The following EHBP1 variants were observed in gnomAD, a reference collection of about 807,000 sequenced individuals.
EHBP1 encodes the protein EH domain binding protein 1.
A neutral mutation model predicts 144.0 loss-of-function variants in EHBP1; 55 were observed. The observed-to-expected ratio is 0.38, with a 90% CI of 0.31 to 0.48. EHBP1 has a LOEUF of 0.48. Among genes scored for constraint, EHBP1 ranks in the 20% least tolerant of loss-of-function variants. EHBP1 has a pLI of 0.98. For missense variants in EHBP1, 1,200 were observed against 1,364.2 expected, an observed-to-expected ratio of 0.88 and a Z score of 1.90; for synonymous variants, 469 against 472.7, an observed-to-expected ratio of 0.99 and a Z score of 0.10.
chr2:62,996,679 G>T lies in EHBP1; in HGVS notation c.3016G>T (p.Glu1006Ter). The T allele has an allele frequency of 6.2e-7, 1 of 1,613,382 alleles. No individual in the cohort carries two copies. Reference protein sequence around the residue: ...FKDTSQYVVGELAALENEQKQ... With the variant: ...FKDTSQYVVG The stretch of plus-strand genomic sequence containing the variant: ...AGACACCAGTCAGTATGTAGTAGGA[G>T]AATTGGCAGCACTAGAGAATGAGCA... Residue 1006 changes from glutamate to a stop codon, truncating the protein, a stop_gained, in exon 19 of 23, where the codon GAA (glutamate) becomes TAA (stop). Coordinates refer to ENST00000431489, the MANE Select transcript of EHBP1 (RefSeq NM_001142616.3). LOFTEE classifies it high-confidence loss of function.
chr2:62,725,417 C>CG (rs1226445951), intron 2 of EHBP1, among the ~76,000 whole-genome samples: 1 of 152,132 alleles, frequency 6.6e-6, no homozygotes, highest in African/African-American at 2.4e-5. Context: ...CGTGGGGATG[C>CG]GGGGGCCCCC....
intron 5 of EHBP1, among the ~76,000 whole-genome samples, chr2:62,787,125 T>A (rs928343118): frequency 3.9e-5 from 6 of 152,234 alleles, no homozygotes; most frequent in African/African-American, 1.2e-4. Context: ...CTATTATTGC[T>A]TATTTTCAGA....
At chr2:62,891,899 A>C (rs1217249671) in intron 10 of EHBP1, among the ~76,000 whole-genome samples, 1 of 152,168 alleles carries the variant, frequency 6.6e-6, no homozygotes, top group African/African-American at 2.4e-5. Context: ...ATCTTATTGA[A>C]AAGCAAAGCC....
In EHBP1 at chr2:62,855,052, C is replaced by A. The variant is rs548117900; in HGVS notation, c.635-4117C>A. On this transcript the variant is annotated intron_variant, in intron 7 of 22. Coordinates refer to ENST00000431489, the MANE Select transcript of EHBP1 (RefSeq NM_001142616.3). ...TGGGCCTCCCACTGCAGGGAGCAGG[C>A]AGGAGCCGTAACCCCCCAGCACAGC... Among the ~76,000 whole-genome samples, 6 of 152,294 alleles carry A rather than the reference C, an allele frequency of 3.9e-5. No individual in the cohort carries two copies. In the South Asian group the frequency reaches 1.2e-3, roughly 32 times the overall value.
At chr2:62,895,243 A>T (rs1415146056) in intron 10 of EHBP1, among the ~76,000 whole-genome samples, 2 of 152,156 alleles carry the variant, frequency 1.3e-5, no homozygotes, top group Non-Finnish European at 2.9e-5. Flanking sequence ...GCATAACTGC[A>T]CACTGAATGG....
chr2:62,963,523 T>A (rs1369106874), intron 14 of EHBP1, among the ~76,000 whole-genome samples: 1 of 152,226 alleles, frequency 6.6e-6, no homozygotes, highest in Non-Finnish European at 1.5e-5. Context: ...TATACTTACA[T>A]ATTTATGAAT....
intron 10 of EHBP1, among the ~76,000 whole-genome samples, chr2:62,902,578 A>G (rs1029503705): frequency 2.6e-5 from 4 of 152,256 alleles, no homozygotes; most frequent in African/African-American, 9.6e-5. Context: ...CGTTAGGAAA[A>G]TAGGAATTAC....
intron 5 of EHBP1, among the ~76,000 whole-genome samples, chr2:62,772,963 G>A (rs1326676792): frequency 6.6e-6 from 1 of 152,200 alleles, no homozygotes; most frequent in Non-Finnish European, 1.5e-5. Flanking sequence ...ATGAAGTTAT[G>A]AGATTTCAGA....
intron 3 of EHBP1, among the ~76,000 whole-genome samples, chr2:62,749,849 A>C (rs2039511462): frequency 6.6e-6 from 1 of 152,068 alleles, no homozygotes; most frequent in Admixed American, 6.5e-5. Flanking sequence ...ATTCTTGTAA[A>C]TTTGTTTGAG....
chr2:62,916,852 G>A (rs987821046), intron 10 of EHBP1, among the ~76,000 whole-genome samples: 4 of 149,898 alleles, frequency 2.7e-5, no homozygotes, highest in Non-Finnish European at 5.9e-5. Flanking sequence ...TATTCATTGT[G>A]TATATAAAAT....
chr2:62,730,654 G>T (rs140626164), intron 2 of EHBP1, among the ~76,000 whole-genome samples: 4 of 151,238 alleles, frequency 2.6e-5, no homozygotes, highest in Non-Finnish European at 5.9e-5. Flanking sequence ...GAGACAGAGA[G>T]AGATAGACAA....
At chr2:62,752,249 C>G (rs1162101000) in intron 3 of EHBP1, among the ~76,000 whole-genome samples, 3 of 152,082 alleles carry the variant, frequency 2.0e-5, no homozygotes, top group African/African-American at 7.2e-5. Context: ...TACCCAGTAG[C>G]CATTCAGGAG....
At chr2:62,876,876 G>A (rs1386691098) in intron 10 of EHBP1, among the ~76,000 whole-genome samples, 1 of 152,150 alleles carries the variant, frequency 6.6e-6, no homozygotes, top group Non-Finnish European at 1.5e-5. Context: ...TTCGACATAA[G>A]ATTTGGGTGG....
rs188411330 is a variant in EHBP1, at chr2:62,936,884, C to T, written c.1186-5834C>T. 3.3e-5 allele frequency among the ~76,000 whole-genome samples: 5 copies of T among 152,178 alleles called. No individual in the cohort carries two copies. The South Asian group carries it at 8.3e-4, about 25-fold the overall frequency. On this transcript the variant is annotated intron_variant, in intron 10 of 22. Coordinates refer to ENST00000431489, the MANE Select transcript of EHBP1 (RefSeq NM_001142616.3). Reference sequence around the variant, plus strand: ...CAAATGCTTAGATATATTCAAAGTTCCCTCAACCATGATTTGCAATAACTG... The same window carrying T: ...CAAATGCTTAGATATATTCAAAGTTTCCTCAACCATGATTTGCAATAACTG...
chr2:62,804,416 C>T (rs1032371411), intron 5 of EHBP1, among the ~76,000 whole-genome samples: 2 of 152,176 alleles, frequency 1.3e-5, no homozygotes, highest in Non-Finnish European at 2.9e-5. Context: ...ATTACCTCCT[C>T]ACCTCACTAC....
chr2:62,755,737 A>C (rs2040216837), intron 3 of EHBP1, among the ~76,000 whole-genome samples: 1 of 152,234 alleles, frequency 6.6e-6, no homozygotes. Context: ...TTTGTTGGTC[A>C]ATATAAGCTT....
At chr2:62,674,787 T>C (rs973312854) in intron 1 of EHBP1, among the ~76,000 whole-genome samples, 2 of 152,186 alleles carry the variant, frequency 1.3e-5, no homozygotes, top group African/African-American at 4.8e-5. Context: ...ATATGAGTCT[T>C]AGAGCTTTTC....
intron 10 of EHBP1, among the ~76,000 whole-genome samples, chr2:62,878,928 GA>G (rs1172398533): frequency 6.6e-6 from 1 of 151,178 alleles, no homozygotes; most frequent in Non-Finnish European, 1.5e-5. Flanking sequence ...TGAGGCAAGA[GA>G]ATCACTTGAA....
chr2:62,764,801 ATATTAGTATT>A (rs1380059999), intron 4 of EHBP1, among the ~76,000 whole-genome samples: 1 of 152,052 alleles, frequency 6.6e-6, no homozygotes, highest in Admixed American at 6.6e-5. Flanking sequence ...TATTTTATTG[ATATTAGTATT>A]TATAAGTGTT....
Sources: allele counts gnomAD v4.1 joint callset (sites outside exome capture counted in the v4.1 genomes callset), GRCh38; gene constraint gnomAD v4.1.1; transcripts MANE v1.5; gene names NCBI Gene and HGNC (gene_info 2026-07-23, HGNC 2026-07-21).